NET1: variants seen among roughly 807,000 people sequenced by gnomAD.
NET1 encodes the protein neuroepithelial cell transforming 1, also known as neuroepithelial cell-transforming gene 1 protein.
NET1 carries 42 observed loss-of-function variants against 61.1 expected under a neutral mutation model. The ratio of observed to expected loss-of-function variants is 0.69; its 90% CI spans 0.54 to 0.89. The LOEUF (loss-of-function observed/expected upper bound fraction) is 0.89, where lower values mean the gene tolerates loss of function less well. NET1 is among the 40% of genes least tolerant of loss of function. The pLI is 0.00. For missense variants in NET1, 654 were observed against 747.3 expected (o/e 0.88, Z 1.46); for synonymous variants, 254 against 281.8 (o/e 0.90, Z 0.99).
rs1018038595 is a variant in NET1, at chr10:5,455,272, A to G, written c.1197+154A>G. 1.3e-5 allele frequency among the ~76,000 whole-genome samples: 2 copies of G among 152,256 alleles called. No homozygotes were observed. The highest frequency in any genetic ancestry group is 4.8e-5 in the African/African-American group (2 of 41,464). On this transcript the variant is annotated intron_variant, in intron 10 of 11. Coordinates refer to ENST00000355029, the MANE Select transcript of NET1 (RefSeq NM_001047160.3). This position sits in a 1 kb window ranked among gnomAD's most constrained non-coding sequence, Gnocchi z 6.5. ...TTTATATTACCAGCTTGATAAAGCCAACAAAGAAGATACCTTAAATGTCTC... is the reference window on the plus strand; with the variant it reads ...TTTATATTACCAGCTTGATAAAGCCGACAAAGAAGATACCTTAAATGTCTC...
rs1832058571 is a variant in NET1, at chr10:5,415,198, T to C, written c.128+2378T>C. On this transcript the variant is annotated intron_variant, in intron 1 of 11. Coordinates refer to ENST00000355029, the MANE Select transcript of NET1 (RefSeq NM_001047160.3). This position sits in a 1 kb window ranked among gnomAD's most constrained non-coding sequence, Gnocchi z 4.7. ...TTGAAAAACGTTCTGCAGGCAAAAC[T>C]CAGTATAAACTAATTTGAAAGACAA... Among the ~76,000 whole-genome samples the C allele has an allele frequency of 6.6e-6, 1 of 152,192 alleles. No homozygotes were observed. Among genetic ancestry groups the C allele is most frequent in the Non-Finnish European group, 1.5e-5 (1 of 68,036 alleles).
intron 1 of NET1, among the ~76,000 whole-genome samples, chr10:5,418,764 A>G (rs112872372): frequency 2.4e-3 from 370 of 152,236 alleles, no homozygotes; most frequent in African/African-American, 8.6e-3. Flanking sequence ...ATTATAGATT[A>G]AGTTACTGAT....
In NET1 at chr10:5,454,242, CCTTTT is replaced by C. The variant is rs1241989799; in HGVS notation, c.769-17_769-13del. ...TCGGTCATAACAGGAACACATCATA[CCTTTT>C]CTTTTATTACTCTTCAGTTACCGCG... On this transcript the variant is annotated intron_variant, in intron 8 of 11. Coordinates refer to ENST00000355029, the MANE Select transcript of NET1 (RefSeq NM_001047160.3). This position sits in a 1 kb window ranked among gnomAD's most constrained non-coding sequence, Gnocchi z 8.1. 5.0e-6 allele frequency: 8 copies of C among 1,602,470 alleles called. No individual in the cohort carries two copies. The African/African-American group carries it at 9.5e-5, about 19-fold the overall frequency.
In NET1 at chr10:5,453,164, G is replaced by A. The variant is rs895231786; in HGVS notation, c.595-86G>A. 2 of 848,306 alleles carry A rather than the reference G, an allele frequency of 2.4e-6. No individual in the cohort carries two copies. Among genetic ancestry groups the A allele is most frequent in the Non-Finnish European group, 2.0e-6 (1 of 497,372 alleles). 52.5% of individuals were successfully genotyped at this position (848,306 alleles called of 1,614,324 possible). On this transcript the variant is annotated intron_variant, in intron 6 of 11. Transcript: ENST00000355029. The surrounding 1 kb of genome is among the most constrained non-coding windows in gnomAD (Gnocchi z 4.9). ...AAACAGAATCCACGCTAGCTTTTAT[G>A]TAATTAATTCTCTTTGTTTCCAAGT...
Position 5,457,398 on chromosome 10 carries a change from A to G in NET1, c.*404A>G, listed in dbSNP as rs1010400229. On this transcript the variant is annotated 3_prime_UTR_variant, in exon 12 of 12. Coordinates refer to ENST00000355029, the MANE Select transcript of NET1 (RefSeq NM_001047160.3). This position sits in a 1 kb window ranked among gnomAD's most constrained non-coding sequence, Gnocchi z 5.4. ...GTTTCTTTGCTAAGCCTTGCATGCAAAATTTGAAATTTTAACATTGGCACC... is the reference window on the plus strand; with the variant it reads ...GTTTCTTTGCTAAGCCTTGCATGCAGAATTTGAAATTTTAACATTGGCACC... 1 of 153,718 alleles carries G rather than the reference A, an allele frequency of 6.5e-6. No homozygotes were observed. Among genetic ancestry groups the G allele is most frequent in the African/African-American group, 2.4e-5 (1 of 41,490 alleles). The allele number at this position is 153,718 out of a possible 1,614,324, so 9.5% of individuals were successfully genotyped here.
rs1832776573 is a variant in NET1, at chr10:5,455,165, C to T, written c.1197+47C>T. 2 of 1,583,432 alleles carry T rather than the reference C, an allele frequency of 1.3e-6. No homozygotes were observed. The highest frequency in any genetic ancestry group is 1.7e-6 in the Non-Finnish European group (2 of 1,155,120). ...GGCAGAGCAGCCTTCCCTCCTGCCT[C>T]TTTAACTTTTACACGTTTGTTATGA... On this transcript the variant is annotated intron_variant, in intron 10 of 11. Coordinates refer to ENST00000355029, the MANE Select transcript of NET1 (RefSeq NM_001047160.3). The surrounding 1 kb of genome is among the most constrained non-coding windows in gnomAD (Gnocchi z 6.5).
In NET1 at chr10:5,444,457, A is replaced by G. The variant is rs552121189; in HGVS notation, c.256-7373A>G. Among the ~76,000 whole-genome samples, 1 of 152,086 alleles carries G rather than the reference A, an allele frequency of 6.6e-6. No individual in the cohort carries two copies. On this transcript the variant is annotated intron_variant, in intron 3 of 11. Coordinates refer to ENST00000355029, the MANE Select transcript of NET1 (RefSeq NM_001047160.3). The surrounding 1 kb of genome is among the most constrained non-coding windows in gnomAD (Gnocchi z 5.3). Reference sequence around the variant, plus strand: ...CTGTATTCACTCTTCAGCCCCTGTAATTTGCCTCTGTCTTTACTCCACTGA... The same window carrying G: ...CTGTATTCACTCTTCAGCCCCTGTAGTTTGCCTCTGTCTTTACTCCACTGA...
chr10:5,412,866 G>T lies in NET1; in HGVS notation c.128+46G>T. 1 of 1,307,540 alleles carries T rather than the reference G, an allele frequency of 7.6e-7. No individual in the cohort carries two copies. Among genetic ancestry groups the T allele is most frequent in the South Asian group, 1.9e-5 (1 of 52,688 alleles). 81.0% of individuals were successfully genotyped at this position (1,307,540 alleles called of 1,614,324 possible). A position where few individuals can be genotyped will look rare whatever the true frequency, so the allele number is the denominator to read the frequency against. Reference sequence around the variant, plus strand: ...GGCCGAACGGGAGGTGAGTGTAGGGGAGCGGAGGGCCGAACGGGAGGTGAG... The same window carrying T: ...GGCCGAACGGGAGGTGAGTGTAGGGTAGCGGAGGGCCGAACGGGAGGTGAG... On this transcript the variant is annotated intron_variant, in intron 1 of 11. Coordinates refer to ENST00000355029, the MANE Select transcript of NET1 (RefSeq NM_001047160.3). The surrounding 1 kb of genome is among the most constrained non-coding windows in gnomAD (Gnocchi z 6.5).
Position 5,447,169 on chromosome 10 carries a change from T to A in NET1, c.256-4661T>A, listed in dbSNP as rs1166652432. Among the ~76,000 whole-genome samples, 2 of 152,244 alleles carry A rather than the reference T, an allele frequency of 1.3e-5. No homozygotes were observed. The highest frequency in any genetic ancestry group is 2.9e-5 in the Non-Finnish European group (2 of 68,040). On this transcript the variant is annotated intron_variant, in intron 3 of 11. Transcript: ENST00000355029. The surrounding 1 kb of genome is among the most constrained non-coding windows in gnomAD (Gnocchi z 4.1). ...ATATAATTGTTTTTTTAACTTGAAT[T>A]GATATCATCCAGTCTTAGAAACTAC...
At chr10:5,413,883 A>G (rs1205281876) in intron 1 of NET1, among the ~76,000 whole-genome samples, 1 of 152,208 alleles carries the variant, frequency 6.6e-6, no homozygotes, top group Non-Finnish European at 1.5e-5. Context: ...CTAGTGGGGA[A>G]GAAAGATAAG....
rs754389301 is a variant in NET1, at chr10:5,420,362, TTATAA to T, written c.129-6288_129-6284del. 1.2e-3 allele frequency among the ~76,000 whole-genome samples: 175 copies of T among 145,658 alleles called. No homozygotes were observed. Among genetic ancestry groups the T allele is most frequent in the Non-Finnish European group, 8.1e-4 (52 of 64,212 alleles). ...TTATGATATTCTGTACAGTGAGATA[TTATAA>T]TATACAATTTTTATAACTCAGGTGG... On this transcript the variant is annotated intron_variant, in intron 1 of 11. Transcript: ENST00000355029. The surrounding 1 kb of genome is among the most constrained non-coding windows in gnomAD (Gnocchi z 5.3).
chr10:5,425,965 T>G (rs953521859), intron 1 of NET1, among the ~76,000 whole-genome samples: 5 of 152,224 alleles, frequency 3.3e-5, no homozygotes, highest in African/African-American at 1.2e-4. Context: ...GTTTATACTT[T>G]ATAAACATAT....
In NET1 at chr10:5,437,818, G is replaced by A. The variant is rs975849864; in HGVS notation, c.255+8589G>A. On this transcript the variant is annotated intron_variant, in intron 3 of 11. Transcript: ENST00000355029. The surrounding 1 kb of genome is among the most constrained non-coding windows in gnomAD (Gnocchi z 4.3). ...AGTAGATTATACATTTTTCTCAAGT[G>A]CATGTAGAACATTCCAGGATAGACG... is the stretch of plus-strand genomic sequence containing the variant. Among the ~76,000 whole-genome samples the A allele has an allele frequency of 6.6e-6, 1 of 152,080 alleles. No individual in the cohort carries two copies. Among genetic ancestry groups the A allele is most frequent in the Non-Finnish European group, 1.5e-5 (1 of 68,012 alleles).
At chr10:5,418,774 T>C (rs1351138519) in intron 1 of NET1, among the ~76,000 whole-genome samples, 3 of 152,182 alleles carry the variant, frequency 2.0e-5, no homozygotes, top group Non-Finnish European at 2.9e-5. Context: ...AAGTTACTGA[T>C]TTGAGATCTT....
rs1588433741 is a variant in NET1, at chr10:5,441,296, G to A, written c.256-10534G>A. On this transcript the variant is annotated intron_variant, in intron 3 of 11. Coordinates refer to ENST00000355029, the MANE Select transcript of NET1 (RefSeq NM_001047160.3). The surrounding 1 kb of genome is among the most constrained non-coding windows in gnomAD (Gnocchi z 4.6). ...AGCAGCATCCAAGAAGCCCAGGGTG[G>A]AAGGCAAGAGATACACAGTGCAGCT... 6.6e-6 allele frequency among the ~76,000 whole-genome samples: 1 copy of A among 152,272 alleles called. No homozygotes were observed. The highest frequency in any genetic ancestry group is 1.5e-5 in the Non-Finnish European group (1 of 68,044).
chr10:5,452,044 C>T lies in NET1; in HGVS notation c.363+107C>T, dbSNP rs1020054662. The T allele has an allele frequency of 1.2e-6, 1 of 803,508 alleles. No individual in the cohort carries two copies. The highest frequency in any genetic ancestry group is 1.9e-6 in the Non-Finnish European group (1 of 519,208). 49.8% of individuals were successfully genotyped at this position (803,508 alleles called of 1,614,324 possible). ...ACAAGTTTGCATTATTATATTTAAACATAGTTTTCTTTTTGGAATATGCTA... is the reference window on the plus strand; with the variant it reads ...ACAAGTTTGCATTATTATATTTAAATATAGTTTTCTTTTTGGAATATGCTA... On this transcript the variant is annotated intron_variant, in intron 4 of 11. Transcript: ENST00000355029. This position sits in a 1 kb window ranked among gnomAD's most constrained non-coding sequence, Gnocchi z 4.0.
rs1412920656 is a variant in NET1, at chr10:5,452,475, G to T, written c.481G>T (p.Asp161Tyr). 1 of 1,613,986 alleles carries T rather than the reference G, an allele frequency of 6.2e-7. No individual in the cohort carries two copies. Among genetic ancestry groups the T allele is most frequent in the Admixed American group, 1.7e-5 (1 of 59,998 alleles). ...RSSALWSEML[D>Y]ITMKESLTTR... Reference sequence around the variant, plus strand: ...CAGTGCACTGTGGTCAGAGATGCTGGACATCACCATGAAGGAGTCTCTCAC... The same window carrying T: ...CAGTGCACTGTGGTCAGAGATGCTGTACATCACCATGAAGGAGTCTCTCAC... Residue 161 changes from aspartate (D) to tyrosine (Y), a missense_variant, in exon 5 of 12, where the codon GAC becomes TAC. By Grantham distance (160) the Asp-to-Tyr change is radical. Coordinates refer to ENST00000355029, the MANE Select transcript of NET1 (RefSeq NM_001047160.3). The surrounding 1 kb of genome is among the most constrained non-coding windows in gnomAD (Gnocchi z 4.0).
chr10:5,456,717 C>T lies in NET1; in HGVS notation c.1514C>T (p.Ser505Leu), dbSNP rs766438612. The change falls in exon 12 of 12, where the codon TCG becomes TTG. Residue 505 changes from serine (S) to leucine (L), a missense_variant. Ser to Leu is a moderately radical substitution (Grantham distance 145). Coordinates refer to ENST00000355029, the MANE Select transcript of NET1 (RefSeq NM_001047160.3). The surrounding 1 kb of genome is among the most constrained non-coding windows in gnomAD (Gnocchi z 7.0). The stretch of plus-strand genomic sequence containing the variant: ...CGAGCGGCCATTGCCCCCTTCCAGT[C>T]GGCAGGCAGTCCACCTGAGCTGCAG... Reference protein sequence around the residue: ...CIRAAIAPFQSAGSPPELQGL... With the variant: ...CIRAAIAPFQLAGSPPELQGL... 1.4e-5 allele frequency: 23 copies of T among 1,614,006 alleles called. No homozygotes were observed. Among genetic ancestry groups the T allele is most frequent in the Admixed American group, 8.3e-5 (5 of 59,998 alleles).
Position 5,456,495 on chromosome 10 carries a change from A to C in NET1, c.1385-93A>C. On this transcript the variant is annotated intron_variant, in intron 11 of 11. Transcript: ENST00000355029. The surrounding 1 kb of genome is among the most constrained non-coding windows in gnomAD (Gnocchi z 7.0). Reference sequence around the variant, plus strand: ...CATTGACATAAATAAATTGCCATAAATTGACAGTCACGTTAAGATTGTATG... The same window carrying C: ...CATTGACATAAATAAATTGCCATAACTTGACAGTCACGTTAAGATTGTATG... The C allele has an allele frequency of 7.9e-7, 1 of 1,273,632 alleles. No individual in the cohort carries two copies. Among genetic ancestry groups the C allele is most frequent in the South Asian group, 1.5e-5 (1 of 66,572 alleles). 78.9% of individuals were successfully genotyped at this position (1,273,632 alleles called of 1,614,324 possible).
Sources: gnomAD v4.1 joint callset for allele counts (sites outside exome capture counted in the v4.1 genomes callset) on GRCh38, gnomAD v4.1.1 for gene constraint, Gnocchi (gnomAD v3.1) non-coding constraint, MANE v1.5 for transcripts, NCBI Gene and HGNC (gene_info 2026-07-23, HGNC 2026-07-21) for gene names.